Variants in NOL4 observed in about 807,000 individuals in gnomAD.
The protein encoded by NOL4 is nucleolar protein 4.
Under a neutral mutation model 75.9 loss-of-function variants are expected in NOL4, and 17 were observed. That is an observed-to-expected ratio of 0.22 (90% CI 0.15 to 0.34). The LOEUF is 0.34. NOL4 is among the 10% of genes least tolerant of loss of function. The pLI is 1.00. For missense variants in NOL4, 614 were observed against 793.5 expected (o/e 0.77, Z 2.72); for synonymous variants, 292 against 289.9 (o/e 1.01, Z -0.07).
intron 6 of NOL4, among the ~76,000 whole-genome samples, chr18:33,979,231 A>T (rs2145959977): frequency 6.6e-6 from 1 of 152,172 alleles, no homozygotes; most frequent in East Asian, 1.9e-4. Context: ...GACAAAACAT[A>T]AACAAAGTCA....
chr18:34,067,900 C>T (rs983497559), intron 5 of NOL4, among the ~76,000 whole-genome samples: 1 of 151,834 alleles, frequency 6.6e-6, no homozygotes, highest in African/African-American at 2.4e-5. Context: ...GAGATATAAA[C>T]ATGAGTCATC....
At chr18:34,177,456 T>G (rs868042419) in intron 1 of NOL4, among the ~76,000 whole-genome samples, 1 of 151,970 alleles carries the variant, frequency 6.6e-6, no homozygotes, top group African/African-American at 2.4e-5. Context: ...ATAAATTTGT[T>G]AAAACTTCAA....
At chr18:34,160,970 C>T (rs978422495) in intron 1 of NOL4, among the ~76,000 whole-genome samples, 1 of 152,176 alleles carries the variant, frequency 6.6e-6, no homozygotes, top group African/African-American at 2.4e-5. Flanking sequence ...TCCCTATTTT[C>T]TCTCCCCTTC....
chr18:34,097,438 G>T (rs2145594840), intron 4 of NOL4, among the ~76,000 whole-genome samples: 1 of 152,158 alleles, frequency 6.6e-6, no homozygotes, highest in East Asian at 1.9e-4. Flanking sequence ...CTTTGGGGTG[G>T]TGTCCTGCAA....
chr18:33,916,871 A>G (rs931257529), intron 9 of NOL4, among the ~76,000 whole-genome samples: 4 of 152,164 alleles, frequency 2.6e-5, no homozygotes, highest in East Asian at 1.9e-4. Context: ...AAAACATTCA[A>G]TTAGAAAGGA....
intron 10 of NOL4, among the ~76,000 whole-genome samples, chr18:33,863,577 A>T: frequency 6.6e-6 from 1 of 152,152 alleles, no homozygotes; most frequent in East Asian, 1.9e-4. Context: ...TAAAGCTCTG[A>T]AATGATCTTC....
At chr18:34,064,068 G>C (rs558943143) in intron 5 of NOL4, among the ~76,000 whole-genome samples, 1 of 152,126 alleles carries the variant, frequency 6.6e-6, no homozygotes, top group East Asian at 1.9e-4. Context: ...AGACTACAAA[G>C]ACCATCATAT....
At chr18:33,961,305 A>AGT (rs946458573) in intron 6 of NOL4, among the ~76,000 whole-genome samples, 3 of 151,950 alleles carry the variant, frequency 2.0e-5, no homozygotes, top group Non-Finnish European at 4.4e-5. Context: ...TGTTCTTCAC[A>AGT]GTGTGTGTGT....
chr18:34,192,360 T>A lies in NOL4; in HGVS notation c.264+30630A>T, dbSNP rs540904960. Among the ~76,000 whole-genome samples, 13 of 151,992 alleles carry A rather than the reference T, an allele frequency of 8.6e-5. No homozygotes were observed. In the East Asian group the frequency reaches 2.3e-3, roughly 27 times the overall value. On this transcript the variant is annotated intron_variant, in intron 1 of 10. Transcript: ENST00000261592. ...GACACTTTCACATAAACAGAAAAAA[T>A]TTCCTAAAATTTGTATAATACCACA...
intron 1 of NOL4, among the ~76,000 whole-genome samples, chr18:34,193,731 G>C (rs1258958489): frequency 6.6e-6 from 1 of 151,818 alleles, no homozygotes; most frequent in African/African-American, 2.4e-5. Context: ...CCTACTACTG[G>C]GTATATATTC....
At chr18:33,964,453 G>C (rs1397510568) in intron 6 of NOL4, among the ~76,000 whole-genome samples, 4 of 147,944 alleles carry the variant, frequency 2.7e-5, no homozygotes, top group African/African-American at 1.0e-4. Context: ...AAGAAAGAAA[G>C]AGAGAAAGGA....
chr18:33,925,156 A>T (rs1305916788), intron 9 of NOL4, among the ~76,000 whole-genome samples: 1 of 152,052 alleles, frequency 6.6e-6, no homozygotes, highest in Non-Finnish European at 1.5e-5. Flanking sequence ...AAATATTAGT[A>T]CGATTATGTA....
At chr18:34,058,282 C>T (rs561264117) in intron 5 of NOL4, among the ~76,000 whole-genome samples, 3 of 152,200 alleles carry the variant, frequency 2.0e-5, no homozygotes, top group East Asian at 1.9e-4. Context: ...TACAGGCACC[C>T]GCCACCACGC....
chr18:34,033,126 G>T (rs1006991014), intron 5 of NOL4, among the ~76,000 whole-genome samples: 1 of 152,052 alleles, frequency 6.6e-6, no homozygotes, highest in East Asian at 1.9e-4. Context: ...AGATATCAAT[G>T]TAAAGGCACA....
intron 10 of NOL4, among the ~76,000 whole-genome samples, chr18:33,854,595 G>A (rs2062759650): frequency 6.6e-6 from 1 of 151,910 alleles, no homozygotes; most frequent in Non-Finnish European, 1.5e-5. Context: ...CATTATAACA[G>A]GAGTAGTGGT....
chr18:34,112,735 G>C (rs560598648), intron 2 of NOL4, among the ~76,000 whole-genome samples: 56 of 152,004 alleles, frequency 3.7e-4, no homozygotes, highest in African/African-American at 1.1e-3. Context: ...TTGGTCAAAG[G>C]GTACAAAGTT....
chr18:34,213,096 A>T (rs559014044), intron 1 of NOL4, among the ~76,000 whole-genome samples: 12 of 152,196 alleles, frequency 7.9e-5, no homozygotes, highest in Non-Finnish European at 1.8e-4. Context: ...TCATCCTAGG[A>T]TTCTGACCAC....
chr18:34,054,356 T>C lies in NOL4; in HGVS notation c.773-34755A>G, dbSNP rs2076745449. On this transcript the variant is annotated intron_variant, in intron 5 of 10. Coordinates refer to ENST00000261592, the MANE Select transcript of NOL4 (RefSeq NM_003787.5). ...ATGTTCCTTCCTTCAATTCTGCCAA[T>C]GTTTGCTTCATCTATTGGGAACTCT... 2.0e-5 allele frequency among the ~76,000 whole-genome samples: 3 copies of C among 152,090 alleles called. No individual in the cohort carries two copies. In the South Asian group the frequency reaches 6.2e-4, roughly 32 times the overall value.
intron 9 of NOL4, among the ~76,000 whole-genome samples, chr18:33,911,593 G>T (rs2066409506): frequency 6.6e-6 from 1 of 151,960 alleles, no homozygotes; most frequent in South Asian, 2.1e-4. Context: ...TTTACTTCAA[G>T]GATGAAATAT....
Sources: gnomAD v4.1 joint callset for allele counts (sites outside exome capture counted in the v4.1 genomes callset) on GRCh38, gnomAD v4.1.1 for gene constraint, MANE v1.5 for transcripts, NCBI Gene and HGNC (gene_info 2026-07-23, HGNC 2026-07-21) for gene names.